The following CCDC197 variants were observed in gnomAD, a reference collection of about 807,000 sequenced individuals.
The protein encoded by CCDC197 is uncharacterized protein CCDC197.
In CCDC197, 24 loss-of-function variants were observed where a neutral mutation model predicts 13.4. That is an observed-to-expected ratio of 1.80 (90% confidence interval 1.30 to 2.53). CCDC197 has a LOEUF of 2.53. CCDC197 is among the 30% of genes most tolerant of loss of function. CCDC197 has a pLI of 0.00. For synonymous variants in CCDC197, 99 were observed against 55.5 expected (o/e 1.78, Z -3.48); for missense variants, 255 against 148.8 (o/e 1.71, Z -3.71).
chr14:93,999,762 T>G (rs962910077), intron 3 of CCDC197, 97 bp downstream of exon 3: 9 of 732,578 alleles, frequency 1.2e-5, no homozygotes, highest in Non-Finnish European at 2.3e-5. Context: ...AGCCACGAGC[T>G]GCTCATCTAC....
Position 94,004,773 on chromosome 14 carries a change from G to T in CCDC197, c.499-82G>T, listed in dbSNP as rs112086452. On this transcript the variant is annotated intron_variant, in intron 5 of 6. Coordinates refer to ENST00000636493, the MANE Select transcript of CCDC197 (RefSeq NM_001351596.2). ...GTCCCAGCTCTGTCCACGACACTTC[G>T]CTGGCTGGAGTGAGCCAGGGCAGGG... 84 of 671,350 alleles carry T rather than the reference G, an allele frequency of 1.3e-4. No homozygotes were observed. The African/African-American group carries it at 1.3e-3, about 11-fold the overall frequency. The allele number at this position is 671,350 out of a possible 1,614,324, so 41.6% of individuals were successfully genotyped here.
At chr14:94,001,504 G>T (rs1890508176) in intron 4 of CCDC197, 181 bp downstream of exon 4, 2 of 532,444 alleles carry the variant, frequency 3.8e-6, no homozygotes, top group African/African-American at 1.9e-5. Flanking sequence ...CCCCTCTGCT[G>T]CCTGAGGCTC....
chr14:93,999,481 A>G, intron 2 of CCDC197, 102 bp from the exon 3 acceptor site: 1 of 734,796 alleles, frequency 1.4e-6, no homozygotes, highest in Non-Finnish European at 2.5e-6. Context: ...GGCCCAGTGC[A>G]CGTCCAAGCA....
At chr14:94,010,798 C>T (rs1166179746), downstream of CCDC197, among the ~76,000 whole-genome samples, 1 of 152,192 alleles carries the variant, frequency 6.6e-6, no homozygotes, top group Non-Finnish European at 1.5e-5. Flanking sequence ...GCCTCACACA[C>T]TCATGCCTCT....
At chr14:94,001,396 A>G in intron 4 of CCDC197, 73 bp downstream of exon 4, 2 of 653,346 alleles carry the variant, frequency 3.1e-6, no homozygotes, top group South Asian at 3.6e-5. Flanking sequence ...CCTTTCCTGC[A>G]TAGCCCTGGG....
downstream of CCDC197, chr14:94,008,926 G>T: frequency 1.6e-6 from 1 of 609,538 alleles, no homozygotes; most frequent in Non-Finnish European, 3.0e-6. Context: ...GGCATTGAGG[G>T]GGTGGTCAGG....
chr14:93,991,147 G>A (rs1019877586), intron 1 of CCDC197, among the ~76,000 whole-genome samples: 2 of 152,204 alleles, frequency 1.3e-5, no homozygotes, highest in Non-Finnish European at 2.9e-5. Context: ...CTAGGACTGA[G>A]GCAGGGGACA....
chr14:94,011,675 A>G (rs1049275452), downstream of CCDC197, among the ~76,000 whole-genome samples: 1 of 152,242 alleles, frequency 6.6e-6, no homozygotes, highest in Non-Finnish European at 1.5e-5. Context: ...AAAAATAAAA[A>G]GCACTAGTTC....
chr14:93,997,031 T>C (rs143155110), upstream of CCDC197, among the ~76,000 whole-genome samples: 7 of 151,942 alleles, frequency 4.6e-5, no homozygotes, highest in African/African-American at 1.7e-4. Context: ...CCGGGACAGG[T>C]CAATTGGAAC....
rs1172796561 is a variant in CCDC197 at position 94,003,570 on chromosome 14, T to C, written c.498+216T>C. Among the ~76,000 whole-genome samples, 1 of 149,686 alleles carries C rather than the reference T, an allele frequency of 6.7e-6. No homozygotes were observed. Among genetic ancestry groups the C allele is most frequent in the Non-Finnish European group, 1.5e-5 (1 of 67,408 alleles). On this transcript the variant is annotated intron_variant, in intron 5 of 6. Coordinates refer to ENST00000636493, the MANE Select transcript of CCDC197 (RefSeq NM_001351596.2). This position sits in a 1 kb window ranked among gnomAD's most constrained non-coding sequence, Gnocchi z 5.0. ...ATAGACACACAGACACAACCAGACATATAGACAGACCCAGCCAGACACATA... is the reference window on the plus strand; with the variant it reads ...ATAGACACACAGACACAACCAGACACATAGACAGACCCAGCCAGACACATA...
chr14:93,998,621 G>A (rs183346749), intron 2 of CCDC197, among the ~76,000 whole-genome samples: 1 of 152,274 alleles, frequency 6.6e-6, no homozygotes, highest in African/African-American at 2.4e-5. Context: ...TGGGAGGTTG[G>A]GGAGATAAGA....
chr14:93,993,227 C>T (rs150839524), upstream of CCDC197, among the ~76,000 whole-genome samples: 5 of 152,272 alleles, frequency 3.3e-5, no homozygotes, highest in South Asian at 2.1e-4. Flanking sequence ...CGAATACCTA[C>T]GACGGGTCAG....
downstream of CCDC197, among the ~76,000 whole-genome samples, chr14:94,009,084 C>T (rs999971141): frequency 1.3e-5 from 2 of 152,232 alleles, no homozygotes; most frequent in African/African-American, 2.4e-5. Context: ...GGGCTGAAGA[C>T]TCCCTCCTGG....
At chr14:94,001,892 AG>A (rs1292131656) in intron 4 of CCDC197, among the ~76,000 whole-genome samples, 2 of 152,180 alleles carry the variant, frequency 1.3e-5, no homozygotes, top group African/African-American at 4.8e-5. Flanking sequence ...GGGATCCCAG[AG>A]GAAGGATGAC....
chr14:94,009,855 G>A (rs1009968508), downstream of CCDC197, among the ~76,000 whole-genome samples: 3 of 152,232 alleles, frequency 2.0e-5, no homozygotes, highest in Non-Finnish European at 2.9e-5. Flanking sequence ...TGCCACTGGG[G>A]TAAAATCATT....
At chr14:94,008,497 C>T in intron 6 of CCDC197, 112 bp from the exon 7 acceptor site, 1 of 640,482 alleles carries the variant, frequency 1.6e-6, no homozygotes, top group South Asian at 1.7e-5. Context: ...TTGCAGGGCG[C>T]TTGTGAGAGT....
chr14:93,998,430 T>C (rs1346662208), intron 2 of CCDC197, among the ~76,000 whole-genome samples, 195 bp downstream of exon 2: 1 of 152,210 alleles, frequency 6.6e-6, no homozygotes, highest in Non-Finnish European at 1.5e-5. Flanking sequence ...GTGTGGCTAT[T>C]GCCCTTTGGC....
intron 1 of CCDC197, among the ~76,000 whole-genome samples, chr14:93,989,210 G>A (rs947595216): frequency 6.6e-6 from 1 of 152,072 alleles, no homozygotes; most frequent in Non-Finnish European, 1.5e-5. Context: ...TAGGGAGTTA[G>A]ATTGGCTATC....
At chr14:93,995,580 G>A (rs113799904), upstream of CCDC197, among the ~76,000 whole-genome samples, 1,106 of 152,296 alleles carry the variant, frequency 7.3e-3, 7 homozygotes, top group Non-Finnish European at 9.3e-3. Context: ...GCCCCAATGC[G>A]GGCTCTTAGG....
Sources: gnomAD v4.1 joint callset for allele counts (sites outside exome capture counted in the v4.1 genomes callset) on GRCh38, gnomAD v4.1.1 for gene constraint, Gnocchi (gnomAD v3.1) non-coding constraint, MANE v1.5 for transcripts, NCBI Gene and HGNC (gene_info 2026-07-23, HGNC 2026-07-21) for gene names.